HTR1F: variants seen among roughly 807,000 people sequenced by gnomAD.
The protein encoded by HTR1F is 5-hydroxytryptamine (serotonin) receptor 1F, G protein-coupled.
A neutral mutation model predicts 24.0 loss-of-function variants in HTR1F; 17 were observed. The observed-to-expected ratio is 0.71, with a 90% CI of 0.48 to 1.06. HTR1F has a LOEUF of 1.06. HTR1F is among the 50% of genes least tolerant of loss of function. HTR1F has a pLI of 0.00. For missense variants in HTR1F, 391 were observed against 427.8 expected (o/e 0.91, Z 0.76); for synonymous variants, 186 against 156.8 (o/e 1.19, Z -1.39).
chr3:87,932,962 C>T (rs1301420239), intron 2 of HTR1F, among the ~76,000 whole-genome samples: 1 of 149,460 alleles, frequency 6.7e-6, no homozygotes, highest in African/African-American at 2.5e-5. Flanking sequence ...CAATAAAATA[C>T]TGGCAAACCA....
At chr3:87,911,504 C>A (rs1308538750) in intron 2 of HTR1F, among the ~76,000 whole-genome samples, 1 of 152,076 alleles carries the variant, frequency 6.6e-6, no homozygotes, top group Non-Finnish European at 1.5e-5. Context: ...AGATTCACAG[C>A]AGAACTGCAC....
At chr3:87,970,027 G>A (rs150790235) in intron 2 of HTR1F, among the ~76,000 whole-genome samples, 94 of 152,234 alleles carry the variant, frequency 6.2e-4, no homozygotes, top group African/African-American at 1.9e-3. Flanking sequence ...AGGCCTCCCC[G>A]GCCACGTGGA....
chr3:87,949,801 G>A (rs1704793225), intron 2 of HTR1F, among the ~76,000 whole-genome samples: 1 of 152,098 alleles, frequency 6.6e-6, no homozygotes, highest in African/African-American at 2.4e-5. Flanking sequence ...ATAGCCCTTG[G>A]GAATTCAAAA....
chr3:87,992,398 G>T lies in HTR1F; in HGVS notation c.*548G>T. ...GTGTGACTGCAGAAAATGTAAAAAA[G>T]TCAGAGCTTGAAATTGTCCTTGTGT... On this transcript the variant is annotated 3_prime_UTR_variant, in exon 3 of 3. Transcript: ENST00000319595. 1 of 167,178 alleles carries T rather than the reference G, an allele frequency of 6.0e-6. No individual in the cohort carries two copies. The allele number at this position is 167,178 out of a possible 1,614,324, so 10.4% of individuals were successfully genotyped here.
At chr3:87,905,187 G>T (rs1233357354) in intron 2 of HTR1F, among the ~76,000 whole-genome samples, 2 of 151,994 alleles carry the variant, frequency 1.3e-5, no homozygotes, top group African/African-American at 4.8e-5. Flanking sequence ...GTATATGTCT[G>T]TAGTCCCAGC....
chr3:87,912,996 A>G (rs558809605), intron 2 of HTR1F, among the ~76,000 whole-genome samples: 6 of 152,336 alleles, frequency 3.9e-5, no homozygotes, highest in Non-Finnish European at 7.3e-5. Context: ...CTGGAAGACG[A>G]CCTAGGCAAT....
At chr3:87,832,333 T>C (rs1704598020) in intron 2 of HTR1F, among the ~76,000 whole-genome samples, 1 of 147,556 alleles carries the variant, frequency 6.8e-6, no homozygotes, top group African/African-American at 2.5e-5. Context: ...TTTTTTTTTT[T>C]TTCTTTTTTT....
intron 1 of HTR1F, among the ~76,000 whole-genome samples, chr3:87,813,651 C>T (rs1602153): frequency 0.059 from 8,921 of 152,160 alleles, 806 homozygotes; most frequent in African/African-American, 0.19. Context: ...CAAATCTCAT[C>T]TCAAATTGTA....
chr3:87,813,001 G>A (rs1355226276), intron 1 of HTR1F, among the ~76,000 whole-genome samples: 1 of 152,206 alleles, frequency 6.6e-6, no homozygotes, highest in East Asian at 1.9e-4. Context: ...CTGCTGCAGG[G>A]GTAGGGCCCT....
chr3:87,856,358 G>A (rs1163768509), intron 2 of HTR1F, among the ~76,000 whole-genome samples: 1 of 151,942 alleles, frequency 6.6e-6, no homozygotes, highest in African/African-American at 2.4e-5. Context: ...TTTAAAATTA[G>A]GTATACTTAC....
chr3:87,831,015 A>G (rs1344643299), intron 2 of HTR1F, among the ~76,000 whole-genome samples: 1 of 152,180 alleles, frequency 6.6e-6, no homozygotes, highest in Non-Finnish European at 1.5e-5. Flanking sequence ...ATTCAGTGCA[A>G]TATCCTCTGA....
intron 2 of HTR1F, among the ~76,000 whole-genome samples, chr3:87,877,004 A>G (rs573293465): frequency 2.6e-4 from 39 of 152,272 alleles, no homozygotes; most frequent in Admixed American, 2.0e-3. Context: ...TCAAAAAGTA[A>G]TTTTAGGCCT....
chr3:87,840,211 T>C (rs1704770958), intron 2 of HTR1F, among the ~76,000 whole-genome samples: 1 of 152,200 alleles, frequency 6.6e-6, no homozygotes, highest in Non-Finnish European at 1.5e-5. Context: ...TATTTCTTTT[T>C]TGCTTGTTGA....
At chr3:87,803,860 C>T (rs1192274529) in intron 1 of HTR1F, among the ~76,000 whole-genome samples, 2 of 152,096 alleles carry the variant, frequency 1.3e-5, no homozygotes, top group African/African-American at 2.4e-5. Context: ...TTTTATTACA[C>T]GTTATCTTCA....
intron 2 of HTR1F, among the ~76,000 whole-genome samples, chr3:87,885,658 A>G (rs1265202376): frequency 6.6e-6 from 1 of 152,192 alleles, no homozygotes; most frequent in Non-Finnish European, 1.5e-5. Flanking sequence ...TAAAGGGGAT[A>G]TCACTACCAA....
At chr3:87,861,947 C>G (rs1369654731) in intron 2 of HTR1F, among the ~76,000 whole-genome samples, 1 of 152,100 alleles carries the variant, frequency 6.6e-6, no homozygotes, top group Admixed American at 6.6e-5. Context: ...ATTTCTTTAT[C>G]CTTTATTCCA....
At chr3:87,874,651 A>T (rs1705631023) in intron 2 of HTR1F, among the ~76,000 whole-genome samples, 1 of 152,092 alleles carries the variant, frequency 6.6e-6, no homozygotes, top group Non-Finnish European at 1.5e-5. Context: ...AAAAACCCTA[A>T]AATTAATATG....
chr3:87,880,681 G>C (rs1452333684), intron 2 of HTR1F, among the ~76,000 whole-genome samples: 2 of 143,690 alleles, frequency 1.4e-5, no homozygotes, highest in Non-Finnish European at 3.0e-5. Flanking sequence ...TGTGTGTATT[G>C]ATGAGTATGT....
At chr3:87,832,727 C>T (rs1438474764) in intron 2 of HTR1F, among the ~76,000 whole-genome samples, 1 of 152,210 alleles carries the variant, frequency 6.6e-6, no homozygotes, top group Non-Finnish European at 1.5e-5. Context: ...GAGAATCAAG[C>T]TGTGTCATTG....
Sources: gnomAD v4.1 joint callset for allele counts (sites outside exome capture counted in the v4.1 genomes callset) on GRCh38, gnomAD v4.1.1 for gene constraint, MANE v1.5 for transcripts, NCBI Gene and HGNC (gene_info 2026-07-23, HGNC 2026-07-21) for gene names.